Variants in TBC1D14 observed in about 807,000 individuals in gnomAD.
TBC1D14 encodes the protein TBC1 domain family member 14.
A neutral mutation model predicts 79.0 loss-of-function variants in TBC1D14; 26 were observed. The ratio of observed to expected loss-of-function variants is 0.33; its 90% CI spans 0.24 to 0.46. The LOEUF (loss-of-function observed/expected upper bound fraction) is 0.46, where lower values mean the gene tolerates loss of function less well. Among genes scored for constraint, TBC1D14 ranks in the 20% least tolerant of loss-of-function variants. The pLI, the probability that TBC1D14 is intolerant of heterozygous loss-of-function variation, is 1.00. For missense variants in TBC1D14, 769 were observed against 887.6 expected (o/e 0.87, Z 1.70); for synonymous variants, 394 against 349.9 (o/e 1.13, Z -1.40).
chr4:7,016,445 T>C (rs987743244), intron 12 of TBC1D14, among the ~76,000 whole-genome samples: 6 of 152,234 alleles, frequency 3.9e-5, no homozygotes, highest in African/African-American at 1.4e-4. Flanking sequence ...GATTCCTGGC[T>C]GGGGCCCGCG....
chr4:7,005,099 A>T (rs1411658119), intron 8 of TBC1D14, among the ~76,000 whole-genome samples, 175 bp downstream of exon 8: 2 of 152,240 alleles, frequency 1.3e-5, no homozygotes, highest in African/African-American at 2.4e-5. Flanking sequence ...TTAAAGGTAA[A>T]AACTTTTTAT....
intron 2 of TBC1D14, among the ~76,000 whole-genome samples, chr4:6,954,495 C>G (rs960223718): frequency 6.6e-6 from 1 of 152,206 alleles, no homozygotes; most frequent in Admixed American, 6.5e-5. Flanking sequence ...TGGAGGTGAT[C>G]CTTTCTATCT....
intron 3 of TBC1D14, among the ~76,000 whole-genome samples, chr4:6,974,340 AGTTGTGGGAAGC>A (rs1560297102): frequency 6.6e-6 from 1 of 152,126 alleles, no homozygotes. Context: ...ATATGGATGC[AGTTGTGGGAAGC>A]GTGTGGCTAG....
chr4:6,960,325 C>G (rs1000576562), intron 2 of TBC1D14, among the ~76,000 whole-genome samples: 2 of 151,140 alleles, frequency 1.3e-5, no homozygotes, highest in Non-Finnish European at 2.9e-5. Context: ...CTCCTGAGCT[C>G]AAGTGATCCG....
intron 2 of TBC1D14, among the ~76,000 whole-genome samples, chr4:6,950,797 T>C (rs1156955168): frequency 6.6e-6 from 1 of 152,236 alleles, no homozygotes; most frequent in Non-Finnish European, 1.5e-5. Flanking sequence ...ACATTTATCA[T>C]TGATTTGATT....
chr4:7,003,335 C>T (rs886637601), intron 7 of TBC1D14, among the ~76,000 whole-genome samples: 1 of 152,190 alleles, frequency 6.6e-6, no homozygotes, highest in Non-Finnish European at 1.5e-5. Flanking sequence ...CATGGCCACA[C>T]AGTGGTTTTC....
intron 13 of TBC1D14, among the ~76,000 whole-genome samples, chr4:7,027,297 C>A (rs989014631): frequency 4.4e-4 from 66 of 150,076 alleles, no homozygotes; most frequent in Admixed American, 1.0e-3. Flanking sequence ...GTCACCCCCC[C>A]CACACACATC....
intron 11 of TBC1D14, among the ~76,000 whole-genome samples, chr4:7,012,083 G>A (rs1472444915): frequency 6.6e-6 from 1 of 151,730 alleles, no homozygotes; most frequent in African/African-American, 2.4e-5. Flanking sequence ...GGCGGATCAC[G>A]AGGTCAGGAG....
chr4:6,986,529 G>A (rs1483002245), intron 3 of TBC1D14, among the ~76,000 whole-genome samples: 1 of 152,186 alleles, frequency 6.6e-6, no homozygotes, highest in African/African-American at 2.4e-5. Flanking sequence ...CCGGCGATTT[G>A]GTAGTTCTGA....
At chr4:6,910,260 T>C (rs1330784163) in intron 1 of TBC1D14, 1 of 152,088 alleles carries the variant, frequency 6.6e-6, no homozygotes, top group Non-Finnish European at 1.5e-5. Context: ...AAAGTTTTCC[T>C]ACTCCGACGC....
intron 12 of TBC1D14, among the ~76,000 whole-genome samples, chr4:7,019,816 T>C (rs1577183336): frequency 1.4e-5 from 1 of 71,402 alleles, no homozygotes; most frequent in Non-Finnish European, 2.5e-5. Flanking sequence ...TGGGCTCAGG[T>C]TAGGGAGGAC....
intron 5 of TBC1D14, 99 bp from the exon 6 acceptor site, chr4:6,998,986 T>G: frequency 8.4e-7 from 1 of 1,194,226 alleles, no homozygotes; most frequent in Admixed American, 1.9e-5. Context: ...TTCAGGGCGG[T>G]TTTCCTGGTG....
rs566965586 is a variant in TBC1D14, at chr4:6,977,624, C to T, written c.843+10200C>T. 2.0e-5 allele frequency among the ~76,000 whole-genome samples: 3 copies of T among 149,962 alleles called. No individual in the cohort carries two copies. In the East Asian group the frequency reaches 6.0e-4, roughly 30 times the overall value. ...GAGCCTCTCTGCCTGGCTACCCAGTCTGGAAAGTGAGGAGCGTCTCTGCCC... is the reference window on the plus strand; with the variant it reads ...GAGCCTCTCTGCCTGGCTACCCAGTTTGGAAAGTGAGGAGCGTCTCTGCCC... On this transcript the variant is annotated intron_variant, in intron 3 of 13. Coordinates refer to ENST00000409757, the MANE Select transcript of TBC1D14 (RefSeq NM_020773.3).
At chr4:6,949,338 T>C (rs1713797072) in intron 2 of TBC1D14, among the ~76,000 whole-genome samples, 1 of 152,004 alleles carries the variant, frequency 6.6e-6, no homozygotes, top group Non-Finnish European at 1.5e-5. Context: ...TTTGCAAGGG[T>C]TTGGTTTGGG....
chr4:6,987,486 C>T lies in TBC1D14; in HGVS notation c.844-6698C>T, dbSNP rs191734509. ...GCGAGTGTGCATGTGTGCGGTTGTG[C>T]GGGTGTGCGAGCATCACGTGTATCT... On this transcript the variant is annotated intron_variant, in intron 3 of 13. Transcript: ENST00000409757. 2.5e-4 allele frequency: 204 copies of T among 828,654 alleles called. No homozygotes were observed. In the African/African-American group the frequency reaches 3.4e-3, roughly 14 times the overall value. The allele number at this position is 828,654 out of a possible 1,614,324, so 51.3% of individuals were successfully genotyped here.
At position 7,010,679 on chromosome 4, in the gene TBC1D14, A is replaced by G. The variant is rs377656241; in HGVS notation, c.1545A>G (p.Ala515=). 1.1e-5 allele frequency: 17 copies of G among 1,614,006 alleles called. No homozygotes were observed. Among genetic ancestry groups the G allele is most frequent in the Non-Finnish European group, 1.4e-5 (17 of 1,179,962 alleles). Reference sequence around the variant, plus strand: ...TCCAGGGCATGTCCTTCATAGCAGCAGTGTTGATCTTGAACTTAGATACTG... The same window carrying G: ...TCCAGGGCATGTCCTTCATAGCAGCGGTGTTGATCTTGAACTTAGATACTG... The part of the protein sequence containing the change: ...GYVQGMSFIA[A]VLILNLDTAD... The change falls in exon 11 of 14, where the codon GCA becomes GCG. Residue 515 remains alanine (A), a synonymous_variant. Coordinates refer to ENST00000409757, the MANE Select transcript of TBC1D14 (RefSeq NM_020773.3).
At chr4:7,021,004 G>A (rs960688212) in intron 12 of TBC1D14, among the ~76,000 whole-genome samples, 9 of 152,202 alleles carry the variant, frequency 5.9e-5, no homozygotes, top group African/African-American at 2.2e-4. Flanking sequence ...TGTGCAGCCC[G>A]GGGCCCTGAT....
intron 3 of TBC1D14, among the ~76,000 whole-genome samples, chr4:6,990,839 A>G (rs1363946757): frequency 1.3e-5 from 2 of 152,244 alleles, no homozygotes. Context: ...TTTTACTTCC[A>G]GAGCCTTATC....
chr4:6,938,513 C>T (rs1254159271), intron 2 of TBC1D14, among the ~76,000 whole-genome samples: 1 of 152,186 alleles, frequency 6.6e-6, no homozygotes, highest in Non-Finnish European at 1.5e-5. Flanking sequence ...TGGCTGCCCA[C>T]AGCAGGTGTC....
Sources: gnomAD v4.1 joint callset for allele counts (sites outside exome capture counted in the v4.1 genomes callset) on GRCh38, gnomAD v4.1.1 for gene constraint, MANE v1.5 for transcripts, NCBI Gene and HGNC (gene_info 2026-07-23, HGNC 2026-07-21) for gene names.